Variants in PCDH7 observed in about 807,000 individuals in gnomAD.
The protein encoded by PCDH7 is protocadherin-7.
Under a neutral mutation model 58.9 loss-of-function variants are expected in PCDH7, and 17 were observed. The ratio of observed to expected loss-of-function variants is 0.29; its 90% CI spans 0.20 to 0.43. The LOEUF (loss-of-function observed/expected upper bound fraction) is 0.43. Among genes scored for constraint, PCDH7 ranks in the 20% least tolerant of loss-of-function variants. The probability of loss-of-function intolerance (pLI) is 1.00; values close to 1 mark genes in which losing one functional copy is unlikely to be tolerated. For synonymous variants in PCDH7, 664 were observed against 616.4 expected (o/e 1.08, Z -1.14); for missense variants, 1,274 against 1,441.0 (o/e 0.88, Z 1.88).
At chr4:31,057,605 G>A (rs6448741) in intron 3 of PCDH7, among the ~76,000 whole-genome samples, 18,363 of 152,112 alleles carry the variant, frequency 0.12, 1,343 homozygotes, top group East Asian at 0.26. Context: ...CCCTAAGAAT[G>A]AACAAGAAAA....
chr4:31,089,203 A>G (rs1712888243), intron 3 of PCDH7, among the ~76,000 whole-genome samples: 1 of 152,112 alleles, frequency 6.6e-6, no homozygotes, highest in South Asian at 2.1e-4. Flanking sequence ...ACCAGTAGGT[A>G]TAATTGGACT....
intron 3 of PCDH7, among the ~76,000 whole-genome samples, chr4:31,083,730 G>T (rs1004929283): frequency 6.6e-6 from 1 of 152,172 alleles, no homozygotes; most frequent in Non-Finnish European, 1.5e-5. Flanking sequence ...TGATGGGGTG[G>T]AGTGGGACAG....
At chr4:30,759,862 T>C (rs1719797627) in intron 1 of PCDH7, among the ~76,000 whole-genome samples, 1 of 152,182 alleles carries the variant, frequency 6.6e-6, no homozygotes, top group South Asian at 2.1e-4. Flanking sequence ...ATCTTACATA[T>C]TACTTTTTGA....
intron 3 of PCDH7, among the ~76,000 whole-genome samples, chr4:31,062,842 T>A (rs1578692024): frequency 1.3e-5 from 2 of 151,970 alleles, no homozygotes; most frequent in Middle Eastern, 3.4e-3. Flanking sequence ...AAAAACTTCG[T>A]GTTTTTAATT....
chr4:31,104,930 G>T (rs897015840), intron 3 of PCDH7, among the ~76,000 whole-genome samples: 4 of 152,100 alleles, frequency 2.6e-5, no homozygotes, highest in African/African-American at 7.2e-5. Flanking sequence ...GTGGTAAAAG[G>T]GTTGGACAAG....
chr4:31,120,667 C>T (rs116374841), intron 3 of PCDH7, among the ~76,000 whole-genome samples: 20 of 152,130 alleles, frequency 1.3e-4, no homozygotes, highest in African/African-American at 4.8e-4. Context: ...TCCAACCAAG[C>T]AAATAAAGAT....
rs979554077 is a variant in PCDH7, at chr4:30,883,051, T to C, written c.71-37102T>C. On this transcript the variant is annotated intron_variant, in intron 1 of 3. Transcript: ENST00000509759. ...CACTGTGCCATATCTTTTGTTGGCA[T>C]TGGATTCTGTCAAGTGTGTGCACAT... Among the ~76,000 whole-genome samples, 7 of 152,208 alleles carry C rather than the reference T, an allele frequency of 4.6e-5. No homozygotes were observed. The East Asian group carries it at 7.7e-4, about 17-fold the overall frequency.
At chr4:30,755,646 G>GT (rs1719198334) in intron 1 of PCDH7, among the ~76,000 whole-genome samples, 2 of 152,250 alleles carry the variant, frequency 1.3e-5, no homozygotes, top group African/African-American at 4.8e-5. Context: ...GTCTTAGTCT[G>GT]TTTTTTGTTG....
chr4:31,036,874 G>T (rs1049989392), intron 3 of PCDH7, among the ~76,000 whole-genome samples: 1 of 152,140 alleles, frequency 6.6e-6, no homozygotes, highest in Non-Finnish European at 1.5e-5. Context: ...AAAGTGAAAG[G>T]CATGTCTCTC....
At chr4:30,883,405 G>A (rs1737260712) in intron 1 of PCDH7, among the ~76,000 whole-genome samples, 1 of 151,536 alleles carries the variant, frequency 6.6e-6, no homozygotes, top group African/African-American at 2.4e-5. Context: ...ATATGTGTAG[G>A]TCCAAGAAAT....
intron 3 of PCDH7, among the ~76,000 whole-genome samples, chr4:31,030,793 T>C (rs1754842313): frequency 6.6e-6 from 1 of 152,166 alleles, no homozygotes; most frequent in African/African-American, 2.4e-5. Flanking sequence ...ATTCTTCAGA[T>C]TGGTGAACAT....
rs147430527 is a variant in PCDH7 at position 31,065,629 on chromosome 4, A to G, written c.*8-76844A>G. ...TATAATAGACATCTAACAAATGAGCATTAAGTCAATCAGCACGTACCGAGT... is the reference window on the plus strand; with the variant it reads ...TATAATAGACATCTAACAAATGAGCGTTAAGTCAATCAGCACGTACCGAGT... On this transcript the variant is annotated intron_variant, in intron 3 of 3. Coordinates refer to the PCDH7 transcript ENST00000509759. 1.3e-3 allele frequency among the ~76,000 whole-genome samples: 197 copies of G among 152,128 alleles called. 5 individuals carry two copies. In the South Asian group the frequency reaches 0.023, roughly 18 times the overall value.
chr4:30,903,834 A>ATTT (rs375957737), intron 1 of PCDH7, among the ~76,000 whole-genome samples: 3 of 151,810 alleles, frequency 2.0e-5, no homozygotes, highest in African/African-American at 7.3e-5. Context: ...AGCCTACTTC[A>ATTT]TTTTTTTTGT....
intron 3 of PCDH7, among the ~76,000 whole-genome samples, chr4:31,055,158 A>AT (rs765584372): frequency 2.0e-5 from 3 of 152,046 alleles, no homozygotes; most frequent in Non-Finnish European, 4.4e-5. Flanking sequence ...CTTAACTGAT[A>AT]TTTTTTTATT....
chr4:30,955,481 T>G (rs942723544), intron 3 of PCDH7, among the ~76,000 whole-genome samples: 3 of 144,314 alleles, frequency 2.1e-5, no homozygotes, highest in African/African-American at 7.7e-5. Context: ...CTATTTTTAT[T>G]TATTTTATTT....
At chr4:30,752,266 G>T (rs1718630753) in intron 1 of PCDH7, among the ~76,000 whole-genome samples, 1 of 152,116 alleles carries the variant, frequency 6.6e-6, no homozygotes, top group African/African-American at 2.4e-5. Flanking sequence ...CGGAGTAGCT[G>T]AGATTACAGG....
chr4:30,998,090 T>C (rs745592581), intron 3 of PCDH7, among the ~76,000 whole-genome samples: 18 of 152,210 alleles, frequency 1.2e-4, no homozygotes, highest in Non-Finnish European at 1.8e-4. Context: ...ATATGACTTT[T>C]GAAATAGAGT....
intron 3 of PCDH7, among the ~76,000 whole-genome samples, chr4:31,038,423 A>G (rs1755587513): frequency 1.3e-5 from 2 of 152,304 alleles, no homozygotes; most frequent in African/African-American, 4.8e-5. Context: ...TCTTCCTTAG[A>G]AGGGTAAACT....
intron 1 of PCDH7, among the ~76,000 whole-genome samples, chr4:30,753,778 T>C (rs1718888380): frequency 6.6e-6 from 1 of 152,188 alleles, no homozygotes; most frequent in African/African-American, 2.4e-5. Context: ...TTAAGAATTG[T>C]GATAGAGCCT....
Sources: allele counts gnomAD v4.1 joint callset (sites outside exome capture counted in the v4.1 genomes callset), GRCh38; gene constraint gnomAD v4.1.1; transcripts MANE v1.5; gene names NCBI Gene and HGNC (gene_info 2026-07-23, HGNC 2026-07-21).